Variants in CACNA2D1 observed in about 807,000 individuals in gnomAD.
CACNA2D1 encodes voltage-dependent calcium channel subunit alpha-2/delta-1.
A neutral mutation model predicts 171.5 loss-of-function variants in CACNA2D1; 53 were observed. The ratio of observed to expected loss-of-function variants is 0.31; its 90% CI spans 0.25 to 0.39. The LOEUF (loss-of-function observed/expected upper bound fraction) is 0.39, where lower values mean the gene tolerates loss of function less well. Ranked by LOEUF, CACNA2D1 falls within the 10% of genes least tolerant of loss-of-function variation. CACNA2D1 has a pLI of 1.00. For missense variants in CACNA2D1, 903 were observed against 1,299.8 expected (o/e 0.69, Z 4.69); for synonymous variants, 442 against 443.1 (o/e 1.00, Z 0.03).
intron 1 of CACNA2D1, among the ~76,000 whole-genome samples, chr7:82,395,709 T>C (rs1443022791): frequency 1.3e-5 from 2 of 152,220 alleles, no homozygotes; most frequent in Admixed American, 6.5e-5. Context: ...CAGGCATGCC[T>C]ACCTGCATTT....
Position 82,140,934 on chromosome 7 carries a change from G to A in CACNA2D1, c.355-4258C>T, listed in dbSNP as rs546147574. Among the ~76,000 whole-genome samples the A allele has an allele frequency of 2.3e-4, 29 of 125,246 alleles. 1 individual carries two copies. The South Asian group carries it at 7.2e-3, about 31-fold the overall frequency. 82.2% of individuals were successfully genotyped at this position (125,246 alleles called of 152,430 possible). On this transcript the variant is annotated intron_variant, in intron 4 of 38. Transcript: ENST00000356860. ...CACGCCACTGCACTCCAGCCTAGGC[G>A]ACAGAGCAAGACTCGTCTCTAAAAA...
chr7:82,166,727 A>G (rs1258984620), intron 4 of CACNA2D1, among the ~76,000 whole-genome samples: 36 of 151,988 alleles, frequency 2.4e-4, no homozygotes. Context: ...TTGTATGGAG[A>G]CCTAGCAGGC....
chr7:82,433,577 G>A (rs1829888951), intron 1 of CACNA2D1, among the ~76,000 whole-genome samples: 2 of 152,100 alleles, frequency 1.3e-5, no homozygotes, highest in Non-Finnish European at 2.9e-5. Flanking sequence ...GTAAGACATT[G>A]TGTTTAGTCT....
intron 1 of CACNA2D1, among the ~76,000 whole-genome samples, chr7:82,420,811 GA>G (rs755917118): frequency 1.4e-5 from 2 of 146,704 alleles, no homozygotes; most frequent in South Asian, 2.1e-4. Context: ...ACAAAAAATA[GA>G]AAAATCATAG....
rs538177107 is a variant in CACNA2D1, at chr7:82,150,285, A to C, written c.355-13609T>G. Among the ~76,000 whole-genome samples, 68 of 137,194 alleles carry C rather than the reference A, an allele frequency of 5.0e-4. 3 individuals are homozygous for C. The highest frequency in any genetic ancestry group is 2.8e-3 in the South Asian group (12 of 4,268). The allele number at this position is 137,194 out of a possible 152,430, so 90.0% of individuals were successfully genotyped here. On this transcript the variant is annotated intron_variant, in intron 4 of 38. Coordinates refer to ENST00000356860, the MANE Select transcript of CACNA2D1 (RefSeq NM_000722.4). Reference sequence around the variant, plus strand: ...AAAAAAAAAACAAAAACAACAACAAAAAAAAACACCCTAGTAGCTGGGTTC... The same window carrying C: ...AAAAAAAAAACAAAAACAACAACAACAAAAAACACCCTAGTAGCTGGGTTC...
chr7:82,058,242 T>A (rs1033535243), intron 10 of CACNA2D1, among the ~76,000 whole-genome samples: 2 of 152,168 alleles, frequency 1.3e-5, no homozygotes, highest in African/African-American at 4.8e-5. Flanking sequence ...TAAGTAGTAG[T>A]GTTTCCTGTG....
chr7:82,405,914 A>T (rs1394559244), intron 1 of CACNA2D1, among the ~76,000 whole-genome samples: 1 of 152,140 alleles, frequency 6.6e-6, no homozygotes, highest in Non-Finnish European at 1.5e-5. Context: ...ATATACTTTA[A>T]GTTCTAGGGT....
intron 2 of CACNA2D1, among the ~76,000 whole-genome samples, chr7:82,348,529 C>T (rs1194262098): frequency 6.6e-6 from 1 of 152,126 alleles, no homozygotes; most frequent in African/African-American, 2.4e-5. Flanking sequence ...GCAGGGAACA[C>T]CTTTCATTTC....
chr7:82,205,964 G>C (rs902900402), intron 3 of CACNA2D1, among the ~76,000 whole-genome samples: 1 of 151,830 alleles, frequency 6.6e-6, no homozygotes, highest in African/African-American at 2.4e-5. Flanking sequence ...TTGTTAACTA[G>C]TTAATTAAAA....
chr7:82,309,849 T>C (rs892168209), intron 3 of CACNA2D1, among the ~76,000 whole-genome samples: 6 of 152,250 alleles, frequency 3.9e-5, no homozygotes, highest in Admixed American at 3.3e-4. Flanking sequence ...CTGAATGCCA[T>C]GTGAGTACTC....
chr7:82,008,181 T>C (rs1236732807), intron 15 of CACNA2D1, among the ~76,000 whole-genome samples: 1 of 152,140 alleles, frequency 6.6e-6, no homozygotes, highest in Non-Finnish European at 1.5e-5. Context: ...AGCCTTATTC[T>C]TTATTTTTTA....
intron 6 of CACNA2D1, among the ~76,000 whole-genome samples, chr7:82,106,372 A>G (rs956963455): frequency 1.3e-3 from 195 of 152,064 alleles, no homozygotes; most frequent in Non-Finnish European, 1.8e-3. Context: ...ATTTAAGATT[A>G]TCTCTCTTCT....
intron 2 of CACNA2D1, among the ~76,000 whole-genome samples, chr7:82,348,593 T>C (rs1475126757): frequency 6.6e-6 from 1 of 152,154 alleles, no homozygotes; most frequent in East Asian, 1.9e-4. Context: ...CTCTCTACAG[T>C]TGTTTTATAA....
chr7:82,366,952 G>T (rs1224638893), intron 1 of CACNA2D1, among the ~76,000 whole-genome samples: 2 of 140,768 alleles, frequency 1.4e-5, no homozygotes, highest in Non-Finnish European at 3.1e-5. Context: ...TGTCACCGAG[G>T]CTGGAGTGCA....
chr7:82,049,256 A>G (rs753099221), intron 10 of CACNA2D1, among the ~76,000 whole-genome samples: 1 of 152,036 alleles, frequency 6.6e-6, no homozygotes, highest in Non-Finnish European at 1.5e-5. Flanking sequence ...TTAAATGAAA[A>G]TACTTTTATA....
chr7:82,110,495 A>T (rs1788249821), intron 6 of CACNA2D1, among the ~76,000 whole-genome samples: 1 of 152,158 alleles, frequency 6.6e-6, no homozygotes, highest in Admixed American at 6.5e-5. Context: ...CACGTCTGTT[A>T]TTTTAGCCTA....
At chr7:82,263,078 A>G (rs1335434584) in intron 3 of CACNA2D1, among the ~76,000 whole-genome samples, 1 of 148,706 alleles carries the variant, frequency 6.7e-6, no homozygotes, top group African/African-American at 2.5e-5. Context: ...TCATTTATGA[A>G]GGCTCCTATG....
chr7:81,970,888 T>C (rs1006300393), intron 26 of CACNA2D1, 151 bp from the exon 27 acceptor site: 14 of 619,162 alleles, frequency 2.3e-5, no homozygotes, highest in African/African-American at 3.7e-5. Context: ...TAAATATCTA[T>C]TAAATTTGTA....
At chr7:82,098,181 T>C (rs1170573357) in intron 6 of CACNA2D1, among the ~76,000 whole-genome samples, 2 of 151,612 alleles carry the variant, frequency 1.3e-5, no homozygotes, top group South Asian at 2.1e-4. Flanking sequence ...CAGATAGAAG[T>C]TGCTAAGAGG....
Sources: gnomAD v4.1 joint callset for allele counts (sites outside exome capture counted in the v4.1 genomes callset) on GRCh38, gnomAD v4.1.1 for gene constraint, MANE v1.5 for transcripts, NCBI Gene and HGNC (gene_info 2026-07-23, HGNC 2026-07-21) for gene names.